MRPL43: variants seen among roughly 807,000 people sequenced by gnomAD.
MRPL43 encodes mitochondrial ribosomal protein L43.
Under a neutral mutation model 12.7 loss-of-function variants are expected in MRPL43, and 9 were observed. The observed-to-expected ratio is 0.71, with a 90% confidence interval of 0.43 to 1.24. The LOEUF (loss-of-function observed/expected upper bound fraction) is 1.24, where lower values mean the gene tolerates loss of function less well. Ranked by LOEUF, MRPL43 falls within the 50% of genes most tolerant of loss-of-function variation. The pLI is 0.00. For missense variants in MRPL43, 211 were observed against 229.2 expected, an observed-to-expected ratio of 0.92 and a Z score of 0.51; for synonymous variants, 116 against 96.4, an observed-to-expected ratio of 1.20 and a Z score of -1.19.
At chr10:100,984,324 G>A (rs1851311037), downstream of MRPL43, 2 of 1,440,038 alleles carry the variant, frequency 1.4e-6, no homozygotes, top group Non-Finnish European at 1.8e-6. Flanking sequence ...AGACCCACAT[G>A]TGAGCAGCCC....
chr10:100,984,981 G>A, downstream of MRPL43: 2 of 1,344,340 alleles, frequency 1.5e-6, no homozygotes. Flanking sequence ...CCACTCACAT[G>A]CACCTCTGAG....
downstream of MRPL43, chr10:100,984,274 G>A: frequency 6.9e-7 from 1 of 1,440,638 alleles, no homozygotes; most frequent in Non-Finnish European, 9.1e-7. Context: ...TGTAGGGCTG[G>A]CCAGTCAGGC....
downstream of MRPL43, chr10:100,978,520 AC>A (rs767390741): frequency 6.2e-7 from 1 of 1,613,254 alleles, no homozygotes; most frequent in East Asian, 2.2e-5. Flanking sequence ...GAATATCCCC[AC>A]GCCAGATGGA....
chr10:100,987,259 G>A (rs1398239411), intron 1 of MRPL43, 54 bp downstream of exon 1: 5 of 1,612,008 alleles, frequency 3.1e-6, no homozygotes, highest in South Asian at 1.1e-5. Context: ...CCGGGGAGTC[G>A]TTGCCACCTC....
rs1027303711 is a variant in MRPL43 at position 100,986,386 on chromosome 10, G to A, written c.*348C>T. ...CGTAGCTCAGTGGTTGTTCCAATAA[G>A]ACATCAGGGATTCTTCAGAAGCCAG... On this transcript the variant is annotated 3_prime_UTR_variant, in exon 3 of 3. Transcript: ENST00000318364. The A allele has an allele frequency of 3.4e-6, 5 of 1,465,644 alleles. No homozygotes were observed. In the Admixed American group the frequency reaches 1.3e-4, roughly 39 times the overall value. 90.8% of individuals were successfully genotyped at this position (1,465,644 alleles called of 1,614,324 possible).
intron 1 of MRPL43, 58 bp downstream of exon 1, chr10:100,987,255 A>T: frequency 6.2e-7 from 1 of 1,612,210 alleles, no homozygotes; most frequent in Non-Finnish European, 8.5e-7. Flanking sequence ...CTACCCGGGG[A>T]GTCGTTGCCA....
downstream of MRPL43, chr10:100,983,971 G>A: frequency 6.9e-7 from 1 of 1,451,774 alleles, no homozygotes; most frequent in African/African-American, 1.5e-5. Flanking sequence ...GCACTGCCCA[G>A]CCGGCTGCGG....
At chr10:100,977,916 GCA>G (rs1850871715), downstream of MRPL43, 1 of 600,512 alleles carries the variant, frequency 1.7e-6, no homozygotes, top group Non-Finnish European at 3.0e-6. Context: ...TAAAAACCAT[GCA>G]GTTTTTATAG....
At chr10:100,984,231 C>T (rs781204292), downstream of MRPL43, 673 of 1,468,864 alleles carry the variant, frequency 4.6e-4, no homozygotes, top group Non-Finnish European at 5.8e-4. Flanking sequence ...ATTACCCCCA[C>T]TCCATACCCT....
downstream of MRPL43, chr10:100,978,648 G>A: frequency 6.2e-7 from 1 of 1,611,028 alleles, no homozygotes; most frequent in South Asian, 1.1e-5. Flanking sequence ...ATGGTTAGGA[G>A]GATGAGGCAC....
At chr10:100,978,154 A>C (rs749877017), downstream of MRPL43, 6 of 625,704 alleles carry the variant, frequency 9.6e-6, no homozygotes, top group East Asian at 1.6e-4. Context: ...GGGGATGCTT[A>C]AGTTATTGCT....
At chr10:100,984,062 A>T, downstream of MRPL43, 3 of 1,613,532 alleles carry the variant, frequency 1.9e-6, no homozygotes, top group Non-Finnish European at 2.5e-6. Context: ...TCGCCGAGGA[A>T]CTCAGCCGCA....
At chr10:100,984,067 G>A, downstream of MRPL43, 1 of 1,613,718 alleles carries the variant, frequency 6.2e-7, no homozygotes, top group Non-Finnish European at 8.5e-7. Flanking sequence ...GAGGAACTCA[G>A]CCGCATCCTG....
chr10:100,983,668 G>A (rs750335846), downstream of MRPL43: 2 of 1,613,466 alleles, frequency 1.2e-6, no homozygotes, highest in Non-Finnish European at 1.7e-6. Flanking sequence ...GCCGCGCTTG[G>A]TGGCCTCTGC....
At chr10:100,984,152 T>C (rs745721149), downstream of MRPL43, 7 of 1,586,578 alleles carry the variant, frequency 4.4e-6, no homozygotes, top group South Asian at 1.2e-5. Context: ...CCAGAACAAA[T>C]GCTCTTCCAA....
chr10:100,980,559 T>C, downstream of MRPL43: 1 of 1,606,466 alleles, frequency 6.2e-7, no homozygotes, highest in Non-Finnish European at 8.5e-7. Flanking sequence ...GGTCTAACTC[T>C]CTGCTCTTTC....
At chr10:100,983,675 C>T, downstream of MRPL43, 1 of 1,613,396 alleles carries the variant, frequency 6.2e-7, no homozygotes, top group Admixed American at 1.7e-5. Flanking sequence ...TTGGTGGCCT[C>T]TGCCTCATCC....
chr10:100,981,019 C>A (rs1356637927), downstream of MRPL43: 11 of 1,592,558 alleles, frequency 6.9e-6, no homozygotes, highest in Non-Finnish European at 9.4e-6. Flanking sequence ...TGGGGGGTGA[C>A]AGTCACATGT....
At position 100,986,669 on chromosome 10, in the gene MRPL43, G is replaced by A; in HGVS notation, c.*65C>T. 12 of 1,613,876 alleles carry A rather than the reference G, an allele frequency of 7.4e-6. No homozygotes were observed. The highest frequency in any genetic ancestry group is 4.4e-5 in the South Asian group (4 of 91,076). ...TTTGCCTGGGCTTGGAATCCCAAAG[G>A]GGAAGAACCACCTTTACCGGAGTAA... is the stretch of plus-strand genomic sequence containing the variant. On this transcript the variant is annotated 3_prime_UTR_variant, in exon 3 of 3. Coordinates refer to ENST00000318364, the MANE Select transcript of MRPL43 (RefSeq NM_032112.3).
Sources: allele counts gnomAD v4.1 joint callset, GRCh38; gene constraint gnomAD v4.1.1; transcripts MANE v1.5; gene names NCBI Gene and HGNC (gene_info 2026-07-23, HGNC 2026-07-21).